The following PABPC4L variants were observed in gnomAD, a reference collection of about 807,000 sequenced individuals.
PABPC4L encodes the protein poly(A) binding protein cytoplasmic 4 like, also known as polyadenylate-binding protein 4-like.
For missense variants in PABPC4L, 452 were observed against 451.4 expected (o/e 1.00, Z -0.01); for synonymous variants, 169 against 164.1 (o/e 1.03, Z -0.23).
At chr4:134,090,143 G>T in the PABPC4L span, among the ~76,000 whole-genome samples, 1 of 152,022 alleles carries the variant, frequency 6.6e-6, no homozygotes, top group Non-Finnish European at 1.5e-5. Context: ...CAACGGTTCT[G>T]CATGACTCCC....
chr4:134,016,172 C>T, the PABPC4L span, among the ~76,000 whole-genome samples: 597 of 152,234 alleles, frequency 3.9e-3, 4 homozygotes, highest in African/African-American at 0.014. Flanking sequence ...TAGTATCTTC[C>T]GCATCTGTCA....
chr4:134,183,145 C>A, the PABPC4L span, among the ~76,000 whole-genome samples: 1 of 151,888 alleles, frequency 6.6e-6, no homozygotes, highest in African/African-American at 2.4e-5. Context: ...AACACAAAGA[C>A]AATAGCATGC....
At chr4:134,145,416 A>T in the PABPC4L span, among the ~76,000 whole-genome samples, 1 of 151,776 alleles carries the variant, frequency 6.6e-6, no homozygotes, top group Admixed American at 6.6e-5. Flanking sequence ...AAAGATGTTG[A>T]TATGAATGAA....
chr4:134,046,692 C>A, the PABPC4L span, among the ~76,000 whole-genome samples: 1 of 152,254 alleles, frequency 6.6e-6, no homozygotes, highest in East Asian at 1.9e-4. Flanking sequence ...TGCAGCTTTG[C>A]GCAGTGCATT....
chr4:134,001,289 G>C, the PABPC4L span, among the ~76,000 whole-genome samples: 2 of 151,716 alleles, frequency 1.3e-5, no homozygotes, highest in Non-Finnish European at 1.5e-5. Flanking sequence ...TTAGAGCACA[G>C]ATATTCTAGT....
chr4:134,112,934 G>C, the PABPC4L span, among the ~76,000 whole-genome samples: 7 of 151,920 alleles, frequency 4.6e-5, no homozygotes, highest in African/African-American at 9.7e-5. Context: ...ACAAGCCATG[G>C]AGGTAGAAGA....
chr4:133,957,141 A>G, the PABPC4L span, among the ~76,000 whole-genome samples: 2 of 151,838 alleles, frequency 1.3e-5, no homozygotes, highest in Non-Finnish European at 2.9e-5. Context: ...CCAAAATCTC[A>G]TCTGAGACAA....
At chr4:134,096,038 C>CT in the PABPC4L span, among the ~76,000 whole-genome samples, 2 of 151,862 alleles carry the variant, frequency 1.3e-5, no homozygotes, top group African/African-American at 4.8e-5. Flanking sequence ...AGCTTCATTG[C>CT]TTCATGAGGC....
the PABPC4L span, among the ~76,000 whole-genome samples, chr4:133,971,759 G>GCACAT: frequency 1.3e-5 from 2 of 152,156 alleles, no homozygotes; most frequent in African/African-American, 4.8e-5. Flanking sequence ...TAGGATCTTT[G>GCACAT]CACATACTTC....
the PABPC4L span, among the ~76,000 whole-genome samples, chr4:134,003,462 G>A: frequency 6.6e-6 from 1 of 151,250 alleles, no homozygotes; most frequent in African/African-American, 2.4e-5. Context: ...TTTTTTCCTT[G>A]TTGCATTTCC....
the PABPC4L span, among the ~76,000 whole-genome samples, chr4:134,053,916 T>C: frequency 6.6e-6 from 1 of 151,866 alleles, no homozygotes; most frequent in Non-Finnish European, 1.5e-5. Context: ...CTCACCTACC[T>C]TGCCTTTTTA....
At chr4:134,055,021 C>T in the PABPC4L span, among the ~76,000 whole-genome samples, 3 of 151,936 alleles carry the variant, frequency 2.0e-5, no homozygotes, top group Non-Finnish European at 4.4e-5. Flanking sequence ...TTTCTGAATA[C>T]ATGCTAGGGT....
the PABPC4L span, among the ~76,000 whole-genome samples, chr4:134,076,920 T>A: frequency 6.6e-6 from 1 of 152,158 alleles, no homozygotes; most frequent in East Asian, 1.9e-4. Context: ...ATTAAAGAGA[T>A]TGCCTGTCAT....
the PABPC4L span, among the ~76,000 whole-genome samples, chr4:134,019,856 G>A: frequency 2.6e-5 from 4 of 152,052 alleles, no homozygotes; most frequent in Non-Finnish European, 5.9e-5. Context: ...CACTGGGGTT[G>A]GCAGTTATGT....
the PABPC4L span, among the ~76,000 whole-genome samples, chr4:134,087,608 T>C: frequency 2.1e-3 from 325 of 152,290 alleles, 1 homozygote; most frequent in African/African-American, 7.4e-3. Flanking sequence ...CAAGCCCACC[T>C]GCACTGGCAA....
chr4:134,009,455 C>T, the PABPC4L span, among the ~76,000 whole-genome samples: 4 of 152,030 alleles, frequency 2.6e-5, no homozygotes, highest in East Asian at 5.8e-4. Flanking sequence ...TGTTCTCAGC[C>T]AATAATTGTT....
the PABPC4L span, among the ~76,000 whole-genome samples, chr4:133,982,595 A>C: frequency 6.6e-6 from 1 of 152,180 alleles, no homozygotes; most frequent in East Asian, 1.9e-4. Flanking sequence ...ATAAATAGTA[A>C]GAAGTTTCAA....
the PABPC4L span, among the ~76,000 whole-genome samples, chr4:134,119,614 C>G: frequency 6.6e-6 from 1 of 151,540 alleles, no homozygotes; most frequent in African/African-American, 2.4e-5. Context: ...GTACACAAAT[C>G]TTACATTTAC....
the PABPC4L span, among the ~76,000 whole-genome samples, chr4:134,146,809 G>A: frequency 6.6e-6 from 1 of 152,046 alleles, no homozygotes; most frequent in African/African-American, 2.4e-5. Context: ...TGGTTACAAG[G>A]CATCATTCAG....
Sources: gnomAD v4.1 joint callset for allele counts (sites outside exome capture counted in the v4.1 genomes callset) on GRCh38, gnomAD v4.1.1 for gene constraint, MANE v1.5 for transcripts, NCBI Gene and HGNC (gene_info 2026-07-23, HGNC 2026-07-21) for gene names.